Variants in DPP6 observed in about 807,000 individuals in gnomAD.
The protein encoded by DPP6 is A-type potassium channel modulatory protein DPP6.
In DPP6, 69 loss-of-function variants were observed where a neutral mutation model predicts 122.6. The observed-to-expected ratio is 0.56, with a 90% CI of 0.46 to 0.69. DPP6 has a LOEUF of 0.69. Among genes scored for constraint, DPP6 ranks in the 30% least tolerant of loss-of-function variants. The pLI is 0.00. For missense variants in DPP6, 928 were observed against 1,116.9 expected (o/e 0.83, Z 2.41); for synonymous variants, 418 against 433.1 (o/e 0.97, Z 0.43).
At chr7:153,776,007 T>G in the DPP6 span, among the ~76,000 whole-genome samples, 1 of 152,188 alleles carries the variant, frequency 6.6e-6, no homozygotes, top group Non-Finnish European at 1.5e-5. Context: ...CAACGTTATA[T>G]GTTTCTTTAA....
chr7:154,258,869 G>C (rs1306519300), intron 1 of DPP6, among the ~76,000 whole-genome samples: 1 of 152,070 alleles, frequency 6.6e-6, no homozygotes, highest in East Asian at 1.9e-4. Flanking sequence ...AGTAAAAATC[G>C]GTAGCATAGT....
At chr7:154,318,834 A>T (rs1467325893) in intron 1 of DPP6, among the ~76,000 whole-genome samples, 2 of 152,070 alleles carry the variant, frequency 1.3e-5, no homozygotes, top group Non-Finnish European at 2.9e-5. Context: ...TATATGTTAG[A>T]GAAAAAAGAA....
chr7:154,125,455 A>G lies in DPP6; in HGVS notation c.243+72392A>G, dbSNP rs148180291. On this transcript the variant is annotated intron_variant, in intron 1 of 25. Transcript: ENST00000377770. The stretch of plus-strand genomic sequence containing the variant: ...GAGCAAAGCTAAGAAACATAATGAA[A>G]TGATGTGTAAGGATCCTAACATGAC... Among the ~76,000 whole-genome samples the G allele has an allele frequency of 3.3e-3, 500 of 152,328 alleles. 1 individual carries two copies. Among genetic ancestry groups the G allele is most frequent in the Non-Finnish European group, 5.3e-3 (362 of 68,034 alleles).
intron 3 of DPP6, among the ~76,000 whole-genome samples, chr7:154,477,944 T>C (rs540545323): frequency 1.3e-5 from 2 of 152,226 alleles, no homozygotes; most frequent in East Asian, 3.9e-4. Flanking sequence ...CAGGTTTGAT[T>C]TGGAGTGTTT....
intron 1 of DPP6, among the ~76,000 whole-genome samples, chr7:154,250,635 TTAATGGA>T (rs932271286): frequency 5.9e-5 from 9 of 152,144 alleles, no homozygotes; most frequent in Admixed American, 6.5e-5. Context: ...ACAGCTTTAT[TTAATGGA>T]AAAAAATGTC....
chr7:154,504,813 G>A (rs748360899), intron 3 of DPP6, among the ~76,000 whole-genome samples: 3 of 147,990 alleles, frequency 2.0e-5, no homozygotes, highest in African/African-American at 7.5e-5. Context: ...TTTTTTTGCT[G>A]TGGAATGCTA....
intron 1 of DPP6, among the ~76,000 whole-genome samples, chr7:154,326,428 C>G (rs1164986532): frequency 1.3e-5 from 2 of 152,112 alleles, no homozygotes; most frequent in African/African-American, 4.8e-5. Flanking sequence ...TGTCACAAAA[C>G]AAGGATGCAG....
rs151060700 is a variant in DPP6, at chr7:154,818,714, C to T, written c.1666+11602C>T. Among the ~76,000 whole-genome samples, 13 of 152,244 alleles carry T rather than the reference C, an allele frequency of 8.5e-5. No individual in the cohort carries two copies. In the East Asian group the frequency reaches 2.5e-3, roughly 29 times the overall value. On this transcript the variant is annotated intron_variant, in intron 16 of 25. Coordinates refer to ENST00000377770, the MANE Select transcript of DPP6 (RefSeq NM_130797.4). Reference sequence around the variant, plus strand: ...TGCCCTTTTTAATTTTGAATTTATCCAAGTGAATGTTTAGAACCGGTTTGA... The same window carrying T: ...TGCCCTTTTTAATTTTGAATTTATCTAAGTGAATGTTTAGAACCGGTTTGA...
At chr7:154,561,153 A>C (rs1019142156) in intron 4 of DPP6, among the ~76,000 whole-genome samples, 1 of 152,260 alleles carries the variant, frequency 6.6e-6, no homozygotes, top group Non-Finnish European at 1.5e-5. Context: ...CCATAATTTA[A>C]GTTGTAGATC....
chr7:154,262,913 A>T (rs1339503656), intron 1 of DPP6, among the ~76,000 whole-genome samples: 3 of 152,178 alleles, frequency 2.0e-5, no homozygotes, highest in Non-Finnish European at 2.9e-5. Context: ...ACAGTAGTCT[A>T]TGCACGTTTC....
At chr7:154,445,116 C>T (rs1019496352) in intron 1 of DPP6, among the ~76,000 whole-genome samples, 2 of 152,132 alleles carry the variant, frequency 1.3e-5, no homozygotes, top group African/African-American at 2.4e-5. Context: ...TTCTAAAGAA[C>T]TTTTAATCTT....
At chr7:154,286,312 C>G (rs1428878383) in intron 1 of DPP6, among the ~76,000 whole-genome samples, 4 of 151,042 alleles carry the variant, frequency 2.6e-5, no homozygotes, top group African/African-American at 7.3e-5. Context: ...CGAGCAAGAT[C>G]ATTTTGTGGC....
chr7:154,869,210 G>A (rs914230927), intron 18 of DPP6, among the ~76,000 whole-genome samples: 1 of 152,140 alleles, frequency 6.6e-6, no homozygotes, highest in African/African-American at 2.4e-5. Context: ...TCCCTGACAC[G>A]AGACAGCAGC....
chr7:154,784,496 AT>A (rs1200270319), intron 10 of DPP6, among the ~76,000 whole-genome samples: 1 of 152,000 alleles, frequency 6.6e-6, no homozygotes, highest in Admixed American at 6.6e-5. Context: ...TTGTTCCTTC[AT>A]TTTTTTTCTA....
intron 10 of DPP6, 51 bp downstream of exon 10, chr7:154,772,993 T>C: frequency 6.7e-7 from 1 of 1,495,948 alleles, no homozygotes; most frequent in South Asian, 1.4e-5. Flanking sequence ...CTAAGATGAA[T>C]GTTCAATGTG....
intron 1 of DPP6, among the ~76,000 whole-genome samples, chr7:154,150,752 C>T (rs1362995090): frequency 2.6e-5 from 4 of 152,222 alleles, no homozygotes; most frequent in South Asian, 2.1e-4. Flanking sequence ...CCATGTCACC[C>T]CCTTTAATAT....
chr7:153,835,906 C>T, the DPP6 span, among the ~76,000 whole-genome samples: 1 of 152,148 alleles, frequency 6.6e-6, no homozygotes, highest in Non-Finnish European at 1.5e-5. Flanking sequence ...ATTACGGCAG[C>T]TGCCCTGGGA....
intron 1 of DPP6, among the ~76,000 whole-genome samples, chr7:154,417,681 CCCA>C: frequency 6.6e-6 from 1 of 152,320 alleles, no homozygotes; most frequent in African/African-American, 2.4e-5. Flanking sequence ...TTTCCTCACT[CCCA>C]CCACAAGTCA....
the DPP6 span, among the ~76,000 whole-genome samples, chr7:153,854,153 T>C: frequency 2.0e-5 from 3 of 150,382 alleles, no homozygotes; most frequent in Non-Finnish European, 4.4e-5. Flanking sequence ...ATCAGATAGT[T>C]GTAGATATGC....
Sources: allele counts gnomAD v4.1 joint callset (sites outside exome capture counted in the v4.1 genomes callset), GRCh38; gene constraint gnomAD v4.1.1; transcripts MANE v1.5; gene names NCBI Gene and HGNC (gene_info 2026-07-23, HGNC 2026-07-21).